TSBP1: variants seen among roughly 807,000 people sequenced by gnomAD.
TSBP1 encodes testis expressed basic protein 1, also known as testis-expressed basic protein 1.
TSBP1 carries 56 observed loss-of-function variants against 68.8 expected under a neutral mutation model. That is an observed-to-expected ratio of 0.81 (90% confidence interval 0.66 to 1.02). The LOEUF is 1.02. TSBP1 is among the 50% of genes least tolerant of loss of function. TSBP1 has a pLI of 0.00. For synonymous variants in TSBP1, 171 were observed against 208.7 expected (o/e 0.82, Z 1.56); for missense variants, 502 against 641.2 (o/e 0.78, Z 2.34).
chr6:32,351,176 T>C (rs1343073851), intron 8 of TSBP1, among the ~76,000 whole-genome samples: 1 of 152,222 alleles, frequency 6.6e-6, no homozygotes, highest in East Asian at 1.9e-4. Flanking sequence ...TAGGTGTGGC[T>C]ATATGCTTGA....
intron 22 of TSBP1, among the ~76,000 whole-genome samples, chr6:32,295,135 A>G (rs918299966): frequency 2.6e-5 from 4 of 152,120 alleles, no homozygotes; most frequent in African/African-American, 9.7e-5. Context: ...TGGGAGTTGG[A>G]GACCAGCCTG....
intron 9 of TSBP1, among the ~76,000 whole-genome samples, chr6:32,347,819 G>T (rs1002049118): frequency 1.1e-4 from 16 of 152,060 alleles, no homozygotes; most frequent in African/African-American, 3.6e-4. Flanking sequence ...CCCCTCTCAG[G>T]AACTTGGTGT....
At position 32,369,373 on chromosome 6, in the gene TSBP1, A is replaced by ATTTTTTTTTTTTTTTTTTTTTTTTTTT. The variant is rs9281761; in HGVS notation, c.100+523_100+524insAAAAAAAAAAAAAAAAAAAAAAAAAAA. Among the ~76,000 whole-genome samples the ATTTTTTTTTTTTTTTTTTTTTTTTTTT allele has an allele frequency of 6.3e-5, 8 of 127,022 alleles. 2 individuals carry two copies. The highest frequency in any genetic ancestry group is 2.3e-4 in the East Asian group (1 of 4,388). The allele number at this position is 127,022 out of a possible 152,430, so 83.3% of individuals were successfully genotyped here. A position where few individuals can be genotyped will look rare whatever the true frequency, so the allele number is the denominator to read the frequency against. The stretch of plus-strand genomic sequence containing the variant: ...CTTATTACTTTTGCTAAACTCTGTG[A>ATTTTTTTTTTTTTTTTTTTTTTTTTTT]TTTTTTTTTTTTTTTGAGATGGAGT... On this transcript the variant is annotated intron_variant, in intron 2 of 22. Coordinates refer to ENST00000612031, the Ensembl canonical transcript of TSBP1.
chr6:32,293,060 A>T (rs776036093), exon 23 of TSBP1: 7 of 1,611,894 alleles, frequency 4.3e-6, no homozygotes, highest in Non-Finnish European at 5.9e-6. Context: ...TTCACCATTG[A>T]TTTCTGATTC....
intron 18 of TSBP1, among the ~76,000 whole-genome samples, chr6:32,320,472 C>T (rs1767496626): frequency 6.6e-6 from 1 of 151,980 alleles, no homozygotes; most frequent in South Asian, 2.1e-4. Flanking sequence ...GAGGCTTTTG[C>T]TGTCATTTGG....
At position 32,316,410 on chromosome 6, in the gene TSBP1, C is replaced by T; in HGVS notation, c.560-618G>A. 6.4e-7 allele frequency: 1 copy of T among 1,558,088 alleles called. No homozygotes were observed. Among genetic ancestry groups the T allele is most frequent in the Non-Finnish European group, 8.7e-7 (1 of 1,149,936 alleles). ...AATACTTACTTATAGGTGCTGCCAG[C>T]TGACCTAAAAAAATTAGATATCAGT... On this transcript the variant is annotated intron_variant, in intron 18 of 22. Coordinates refer to ENST00000612031, the Ensembl canonical transcript of TSBP1. The surrounding 1 kb of genome is among the most constrained non-coding windows in gnomAD (Gnocchi z 4.5).
At chr6:32,348,602 G>C (rs1030426744) in intron 9 of TSBP1, among the ~76,000 whole-genome samples, 3 of 148,214 alleles carry the variant, frequency 2.0e-5, no homozygotes, top group African/African-American at 7.3e-5. Context: ...CTTTGGATTG[G>C]AAGAGTAAAC....
In TSBP1 at chr6:32,336,066, A is replaced by G; in HGVS notation, c.431-134T>C. ...AACGGGAAGATCAAGAGTTGCTTGTATGGCGAGCCTCAGGCAGGCTCCCTG... is the reference window on the plus strand; with the variant it reads ...AACGGGAAGATCAAGAGTTGCTTGTGTGGCGAGCCTCAGGCAGGCTCCCTG... On this transcript the variant is annotated intron_variant, in intron 12 of 22. Transcript: ENST00000612031. The surrounding 1 kb of genome is among the most constrained non-coding windows in gnomAD (Gnocchi z 5.2). The G allele has an allele frequency of 9.0e-6, 7 of 774,152 alleles. No individual in the cohort carries two copies. The highest frequency in any genetic ancestry group is 1.5e-5 in the Non-Finnish European group (7 of 466,562). 48.0% of individuals were successfully genotyped at this position (774,152 alleles called of 1,614,324 possible). A position where few individuals can be genotyped will look rare whatever the true frequency, so the allele number is the denominator to read the frequency against.
chr6:32,363,411 T>A (rs1055027735), intron 6 of TSBP1, among the ~76,000 whole-genome samples: 1 of 152,052 alleles, frequency 6.6e-6, no homozygotes, highest in East Asian at 1.9e-4. Flanking sequence ...AGTTATTTTC[T>A]TGGTTGTTTT....
At chr6:32,342,638 C>G (rs3132955) in intron 9 of TSBP1, among the ~76,000 whole-genome samples, 116,487 of 152,206 alleles carry the variant, frequency 0.77, 44,825 homozygotes, top group South Asian at 0.88. Context: ...CTAGGCAATA[C>G]TCCTCTGTAA....
chr6:32,366,484 C>G lies in TSBP1; in HGVS notation c.167-182G>C, dbSNP rs920689045. ...TTCATGAAAAAATAAGTTTATCGGG[C>G]CGGGCGTGGTGGCTCACGCCTATGT... On this transcript the variant is annotated intron_variant, in intron 4 of 22. Coordinates refer to ENST00000612031, the Ensembl canonical transcript of TSBP1. 5.8e-6 allele frequency: 4 copies of G among 689,040 alleles called. No individual in the cohort carries two copies. The African/African-American group carries it at 7.1e-5, about 12-fold the overall frequency. The allele number at this position is 689,040 out of a possible 1,614,324, so 42.7% of individuals were successfully genotyped here.
chr6:32,324,440 TG>T, intron 16 of TSBP1: 1 of 724,240 alleles, frequency 1.4e-6, no homozygotes, highest in Non-Finnish European at 2.4e-6. Flanking sequence ...TTGCAGTGAC[TG>T]GTAACTGCTT....
Position 32,321,638 on chromosome 6 carries a change from A to G in TSBP1, c.559+1479T>C, listed in dbSNP as rs1767650810. ...AAGGCTTCAGAAAGATGTGTGGATG[A>G]GGACTTTGGAGAGACACTGGCTAAT... On this transcript the variant is annotated intron_variant, in intron 18 of 22. Coordinates refer to ENST00000612031, the Ensembl canonical transcript of TSBP1. This position sits in a 1 kb window ranked among gnomAD's most constrained non-coding sequence, Gnocchi z 4.3. Among the ~76,000 whole-genome samples the G allele has an allele frequency of 6.6e-6, 1 of 152,166 alleles. No homozygotes were observed.
rs113097589 is a variant in TSBP1, at chr6:32,337,325, G to GAGACGC, written c.410-696_410-691dup. ...GTGGAATCTGCCAGCTGGAACTGTG[G>GAGACGC]AGACGCACATTTGGTCAGGCAGCGT... is the stretch of plus-strand genomic sequence containing the variant. On this transcript the variant is annotated intron_variant, in intron 11 of 22. Coordinates refer to ENST00000612031, the Ensembl canonical transcript of TSBP1. The surrounding 1 kb of genome is among the most constrained non-coding windows in gnomAD (Gnocchi z 5.5). Among the ~76,000 whole-genome samples the GAGACGC allele has an allele frequency of 0.028, 4,329 of 152,244 alleles. 70 individuals carry two copies. Among genetic ancestry groups the GAGACGC allele is most frequent in the South Asian group, 0.041 (199 of 4,824 alleles).
At chr6:32,326,789 G>A (rs501545) in intron 16 of TSBP1, among the ~76,000 whole-genome samples, 50,871 of 152,064 alleles carry the variant, frequency 0.33, 9,598 homozygotes, top group Middle Eastern at 0.52. Flanking sequence ...TCTTAGGTCA[G>A]GGGCATAGAG....
At chr6:32,370,664 G>A (rs1562208175) in intron 1 of TSBP1, among the ~76,000 whole-genome samples, 3 of 151,792 alleles carry the variant, frequency 2.0e-5, no homozygotes, top group African/African-American at 4.8e-5. Flanking sequence ...GGATATTTGC[G>A]AGGTTTGTTA....
intron 1 of TSBP1, among the ~76,000 whole-genome samples, 153 bp from the exon 2 acceptor site, chr6:32,370,136 T>C (rs1403260655): frequency 2.0e-5 from 3 of 152,088 alleles, no homozygotes; most frequent in Non-Finnish European, 4.4e-5. Context: ...TGCCGCATAT[T>C]ACTGTCCTCA....
In TSBP1 at chr6:32,365,329, C is replaced by T. The variant is rs771431292; in HGVS notation, c.217+838G>A. ...GTCCTTTTTTCCAATCCCACAAAGT[C>T]AAACTGACTGTGAGATGTTTCCTTT... is the stretch of plus-strand genomic sequence containing the variant. On this transcript the variant is annotated intron_variant, in intron 6 of 22. Coordinates refer to ENST00000612031, the Ensembl canonical transcript of TSBP1. The surrounding 1 kb of genome is among the most constrained non-coding windows in gnomAD (Gnocchi z 4.3). 6.6e-6 allele frequency: 3 copies of T among 457,060 alleles called. No homozygotes were observed. Among genetic ancestry groups the T allele is most frequent in the Non-Finnish European group, 1.3e-5 (3 of 227,086 alleles). 28.3% of individuals were successfully genotyped at this position (457,060 alleles called of 1,614,324 possible). A position where few individuals can be genotyped will look rare whatever the true frequency, so the allele number is the denominator to read the frequency against.
chr6:32,362,288 C>CAAA (rs9257083), intron 6 of TSBP1, among the ~76,000 whole-genome samples: 7,434 of 101,122 alleles, frequency 0.074, 736 homozygotes, highest in African/African-American at 0.2. Context: ...GACTCCGTCT[C>CAAA]AAAAAAAAAA....
Sources: allele counts gnomAD v4.1 joint callset (sites outside exome capture counted in the v4.1 genomes callset), GRCh38; gene constraint gnomAD v4.1.1; non-coding constraint Gnocchi (gnomAD v3.1); transcripts MANE v1.5; gene names NCBI Gene and HGNC (gene_info 2026-07-23, HGNC 2026-07-21).